Variants in ZFP64 observed in about 807,000 individuals in gnomAD.
ZFP64 encodes ZFP64 zinc finger protein.
A neutral mutation model predicts 51.6 loss-of-function variants in ZFP64; 14 were observed. The ratio of observed to expected loss-of-function variants is 0.27; its 90% CI spans 0.18 to 0.42. The LOEUF (loss-of-function observed/expected upper bound fraction) is 0.42, where lower values mean the gene tolerates loss of function less well. ZFP64 is among the 10% of genes least tolerant of loss of function. The probability of loss-of-function intolerance (pLI) is 1.00; values close to 1 mark genes in which losing one functional copy is unlikely to be tolerated. For synonymous variants in ZFP64, 375 were observed against 361.4 expected (o/e 1.04, Z -0.43); for missense variants, 754 against 906.8 (o/e 0.83, Z 2.16).
intron 5 of ZFP64, among the ~76,000 whole-genome samples, chr20:52,121,259 AG>A (rs1187041880): frequency 6.6e-6 from 1 of 152,224 alleles, no homozygotes; most frequent in African/African-American, 2.4e-5. Flanking sequence ...GATTAAGCTT[AG>A]TGAGAAAGGC....
At chr20:52,098,472 G>C (rs950151851) in exon 6 of ZFP64, 3 of 1,614,116 alleles carry the variant, frequency 1.9e-6, no homozygotes, top group Non-Finnish European at 1.7e-6. Context: ...TCTCTCCAAG[G>C]GTGGCCATTT....
intron 5 of ZFP64, among the ~76,000 whole-genome samples, chr20:52,111,448 C>T (rs1264580933): frequency 6.6e-6 from 1 of 151,902 alleles, no homozygotes; most frequent in Non-Finnish European, 1.5e-5. Context: ...CTCCCAACCT[C>T]AGGTGATCTG....
downstream of ZFP64, among the ~76,000 whole-genome samples, chr20:52,148,440 G>C (rs376044655): frequency 5.3e-5 from 8 of 152,284 alleles, no homozygotes; most frequent in East Asian, 1.9e-4. Flanking sequence ...CTTGGCATGA[G>C]CTGTAATCCC....
At chr20:52,148,655 C>T (rs1169833279), downstream of ZFP64, among the ~76,000 whole-genome samples, 11 of 150,704 alleles carry the variant, frequency 7.3e-5, no homozygotes, top group African/African-American at 2.2e-4. Context: ...GAGCTGAGAT[C>T]GCGCCACGGC....
downstream of ZFP64, among the ~76,000 whole-genome samples, chr20:52,147,343 A>C (rs1980574761): frequency 6.6e-6 from 1 of 152,106 alleles, no homozygotes; most frequent in African/African-American, 2.4e-5. Flanking sequence ...GAAGAAAATG[A>C]CCTAAGTACC....
rs941625507 is a variant in ZFP64, at chr20:52,103,491, A to C, written c.764-4904T>G. On this transcript the variant is annotated intron_variant, in intron 5 of 8. Coordinates refer to the ZFP64 transcript ENST00000361387. ...GGCAGAGTTTGCGTCCTGCTCCCACAGAAGTCACCTCAGTACTCCAGGACG... is the reference window on the plus strand; with the variant it reads ...GGCAGAGTTTGCGTCCTGCTCCCACCGAAGTCACCTCAGTACTCCAGGACG... Among the ~76,000 whole-genome samples the C allele has an allele frequency of 2.6e-5, 4 of 152,152 alleles. No individual in the cohort carries two copies. The East Asian group carries it at 5.8e-4, about 22-fold the overall frequency.
chr20:52,160,648 T>A lies in ZFP64; in HGVS notation c.512-274A>T, dbSNP rs950846098. Among the ~76,000 whole-genome samples the A allele has an allele frequency of 2.6e-5, 4 of 152,192 alleles. No homozygotes were observed. The highest frequency in any genetic ancestry group is 6.5e-5 in the Admixed American group (1 of 15,286). ...AATTAAAAATAGAAGGCAATTAAAA[T>A]TTTAAAGTATAGGTACGTAAAATAG... On this transcript the variant is annotated intron_variant, in intron 4 of 5. Transcript: ENST00000216923. The surrounding 1 kb of genome is among the most constrained non-coding windows in gnomAD (Gnocchi z 4.2).
At position 52,093,143 on chromosome 20, in the gene ZFP64, AT is replaced by A. The variant is rs564342669; in HGVS notation, c.976+4229del. On this transcript the variant is annotated intron_variant, in intron 7 of 8. Transcript: ENST00000361387. ...TCCAAATCAGGAGATTAAAAAAAAAATTTTTTTTTTTTTAATAGACAGAGCC... is the reference window on the plus strand; with the variant it reads ...TCCAAATCAGGAGATTAAAAAAAAAATTTTTTTTTTTTAATAGACAGAGCC... Among the ~76,000 whole-genome samples, 364 of 147,320 alleles carry A rather than the reference AT, an allele frequency of 2.5e-3. 2 individuals carry two copies. The highest frequency in any genetic ancestry group is 7.4e-3 in the African/African-American group (298 of 40,090).
chr20:52,088,963 A>C (rs776540183), intron 7 of ZFP64: 5 of 548,940 alleles, frequency 9.1e-6, no homozygotes, highest in South Asian at 1.4e-5. Flanking sequence ...GATCTTGGGC[A>C]GCTTCATGAA....
intron 4 of ZFP64, among the ~76,000 whole-genome samples, chr20:52,162,436 C>T (rs911964853): frequency 1.3e-5 from 2 of 151,912 alleles, no homozygotes; most frequent in African/African-American, 4.8e-5. Flanking sequence ...ACCATCGTGG[C>T]TAACACAGTG....
In ZFP64 at chr20:52,165,848, A is replaced by G. The variant is rs763012054; in HGVS notation, c.448+16T>C. 2.5e-6 allele frequency: 4 copies of G among 1,613,850 alleles called. No individual in the cohort carries two copies. The South Asian group carries it at 3.3e-5, about 13-fold the overall frequency. On this transcript the variant is annotated intron_variant, in intron 3 of 5. Coordinates refer to ENST00000216923, the MANE Select transcript of ZFP64 (RefSeq NM_018197.3). ...ATCACACCCTCTACACAAGTAGGAC[A>G]TAATGCTGCCTTTACCTGGATAGCA...
At chr20:52,102,148 C>T (rs959149735) in intron 5 of ZFP64, among the ~76,000 whole-genome samples, 4 of 136,756 alleles carry the variant, frequency 2.9e-5, no homozygotes, top group South Asian at 4.3e-4. Context: ...AGGCCCTACT[C>T]CAGACTTACA....
chr20:52,104,898 CT>C, intron 5 of ZFP64: 1 of 673,752 alleles, frequency 1.5e-6, no homozygotes, highest in South Asian at 1.6e-5. Context: ...TTGACTAGCT[CT>C]TGAGAGGAGT....
chr20:52,090,625 C>A (rs1461689594), intron 7 of ZFP64, among the ~76,000 whole-genome samples: 1 of 151,850 alleles, frequency 6.6e-6, no homozygotes, highest in African/African-American at 2.4e-5. Context: ...ATGGTGAAAT[C>A]CTGTCTCTAC....
intron 5 of ZFP64, among the ~76,000 whole-genome samples, chr20:52,116,492 C>T (rs1433264836): frequency 1.3e-5 from 2 of 150,376 alleles, no homozygotes; most frequent in African/African-American, 2.4e-5. Flanking sequence ...TCATATACTA[C>T]TTTATAGTTA....
intron 5 of ZFP64, among the ~76,000 whole-genome samples, chr20:52,136,056 AC>A (rs2122894722): frequency 7.6e-6 from 1 of 132,320 alleles, no homozygotes; most frequent in South Asian, 2.5e-4. Flanking sequence ...CCGAAATCAC[AC>A]CACTGCACTC....
chr20:52,102,107 C>CAAAAAAAAAAAA lies in ZFP64; in HGVS notation c.764-3532_764-3521dup, dbSNP rs34646115. On this transcript the variant is annotated intron_variant, in intron 5 of 8. Coordinates refer to the ZFP64 transcript ENST00000361387. ...AGCCTGGTGAGAGTAACTCCATCTCCAAAAAAAAAAAAAAAAAAGGCAGCA... is the reference window on the plus strand; with the variant it reads ...AGCCTGGTGAGAGTAACTCCATCTCCAAAAAAAAAAAAAAAAAAAAAAAAAAAAAAGGCAGCA... Among the ~76,000 whole-genome samples, 374 of 63,336 alleles carry CAAAAAAAAAAAA rather than the reference C, an allele frequency of 5.9e-3. 8 individuals are homozygous for CAAAAAAAAAAAA. The highest frequency in any genetic ancestry group is 0.012 in the African/African-American group (176 of 14,682). The allele number at this position is 63,336 out of a possible 152,430, so 41.6% of individuals were successfully genotyped here.
At chr20:52,130,858 G>A (rs1321793043) in intron 5 of ZFP64, among the ~76,000 whole-genome samples, 2 of 151,992 alleles carry the variant, frequency 1.3e-5, no homozygotes, top group East Asian at 1.9e-4. Context: ...GGTAGATCAC[G>A]AGCTCAGGAG....
chr20:52,144,731 TACA>T (rs1434165923), intron 5 of ZFP64, among the ~76,000 whole-genome samples: 2 of 150,876 alleles, frequency 1.3e-5, no homozygotes, highest in Admixed American at 6.6e-5. Context: ...AGACTAAAAA[TACA>T]ACAATAAAAA....
Sources: allele counts gnomAD v4.1 joint callset (sites outside exome capture counted in the v4.1 genomes callset), GRCh38; gene constraint gnomAD v4.1.1; non-coding constraint Gnocchi (gnomAD v3.1); transcripts MANE v1.5; gene names NCBI Gene and HGNC (gene_info 2026-07-23, HGNC 2026-07-21).